Variants in PCLO observed in about 807,000 individuals in gnomAD.
PCLO encodes piccolo presynaptic cytomatrix protein, also known as protein piccolo.
In PCLO, 82 loss-of-function variants were observed where a neutral mutation model predicts 427.5. The ratio of observed to expected loss-of-function variants is 0.19; its 90% CI spans 0.16 to 0.23. The LOEUF is 0.23. Ranked by LOEUF, PCLO falls within the 10% of genes least tolerant of loss-of-function variation. The pLI is 1.00. For synonymous variants in PCLO, 2,357 were observed against 2,155.4 expected (o/e 1.09, Z -2.59); for missense variants, 6,239 against 6,115.9 (o/e 1.02, Z -0.67).
intron 2 of PCLO, among the ~76,000 whole-genome samples, chr7:83,151,891 C>T (rs569791331): frequency 2.8e-4 from 42 of 151,956 alleles, no homozygotes; most frequent in Middle Eastern, 3.4e-3. Context: ...AGAGAAGAAA[C>T]ACAAAATTAT....
chr7:83,063,670 T>C (rs1276186580), intron 3 of PCLO, among the ~76,000 whole-genome samples: 2 of 152,110 alleles, frequency 1.3e-5, no homozygotes, highest in Non-Finnish European at 2.9e-5. Flanking sequence ...TCATGATGTA[T>C]TTATCAGGAT....
intron 2 of PCLO, among the ~76,000 whole-genome samples, chr7:83,154,357 T>A (rs1323574514): frequency 6.6e-6 from 1 of 152,170 alleles, no homozygotes; most frequent in African/African-American, 2.4e-5. Flanking sequence ...CATTGTCCAC[T>A]TTTTTTCTAA....
At chr7:82,972,169 G>T (rs1795921921) in intron 3 of PCLO, among the ~76,000 whole-genome samples, 1 of 151,858 alleles carries the variant, frequency 6.6e-6, no homozygotes, top group African/African-American at 2.4e-5. Context: ...TTGTCAGCTA[G>T]TACATGTTAA....
intron 20 of PCLO, among the ~76,000 whole-genome samples, chr7:82,806,406 C>A (rs1253263963): frequency 6.6e-6 from 1 of 152,108 alleles, no homozygotes; most frequent in African/African-American, 2.4e-5. Flanking sequence ...TGTTTCTTTT[C>A]AGGCATTTCC....
At chr7:82,895,936 A>C (rs1350856281) in intron 9 of PCLO, among the ~76,000 whole-genome samples, 1 of 151,916 alleles carries the variant, frequency 6.6e-6, no homozygotes, top group Non-Finnish European at 1.5e-5. Flanking sequence ...TACAGCCAGG[A>C]ACACTTCCCA....
chr7:83,113,613 T>A (rs998666607), intron 3 of PCLO, among the ~76,000 whole-genome samples: 1 of 152,166 alleles, frequency 6.6e-6, no homozygotes, highest in African/African-American at 2.4e-5. Context: ...TAATAACATA[T>A]AGGATTAATT....
intron 1 of PCLO, among the ~76,000 whole-genome samples, chr7:83,159,109 T>G (rs992047126): frequency 2.6e-5 from 4 of 152,124 alleles, no homozygotes; most frequent in Non-Finnish European, 5.9e-5. Flanking sequence ...CATTAATATT[T>G]GATGAATTAA....
intron 10 of PCLO, among the ~76,000 whole-genome samples, chr7:82,861,887 A>C (rs1792966249): frequency 6.6e-6 from 1 of 152,068 alleles, no homozygotes; most frequent in Non-Finnish European, 1.5e-5. Flanking sequence ...TGGATCAATA[A>C]AGAAATTTAG....
At chr7:82,855,858 G>A (rs1445236661) in intron 10 of PCLO, among the ~76,000 whole-genome samples, 6 of 151,550 alleles carry the variant, frequency 4.0e-5, no homozygotes, top group Non-Finnish European at 5.9e-5. Flanking sequence ...GGTGGTTGGA[G>A]GTTCCAAAGG....
chr7:83,029,350 A>G (rs1294700931), intron 3 of PCLO, among the ~76,000 whole-genome samples: 1 of 151,894 alleles, frequency 6.6e-6, no homozygotes. Flanking sequence ...GCAAAAAAAC[A>G]CATGAAAAAA....
intron 3 of PCLO, among the ~76,000 whole-genome samples, chr7:83,046,314 T>G (rs1219959047): frequency 6.6e-6 from 1 of 152,098 alleles, no homozygotes; most frequent in Non-Finnish European, 1.5e-5. Flanking sequence ...TTTTCCTTAA[T>G]ATTTCACCAT....
At chr7:82,960,104 A>G (rs946426115) in intron 4 of PCLO, among the ~76,000 whole-genome samples, 2 of 152,334 alleles carry the variant, frequency 1.3e-5, no homozygotes, top group Non-Finnish European at 1.5e-5. Context: ...TAAAGAACTG[A>G]ATTCTAGATG....
At chr7:82,760,858 C>T in intron 23 of PCLO, 74 bp from the exon 24 acceptor site, 1 of 671,216 alleles carries the variant, frequency 1.5e-6, no homozygotes, top group South Asian at 3.0e-5. Context: ...TAACTGTATA[C>T]TGAGAGTTCT....
At chr7:83,065,057 A>C (rs1057342972) in intron 3 of PCLO, among the ~76,000 whole-genome samples, 3 of 8,556 alleles carry the variant, frequency 3.5e-4, no homozygotes, top group Non-Finnish European at 4.8e-4. Flanking sequence ...CTTGGGTTCC[A>C]AAAAAAAAAA....
intron 22 of PCLO, among the ~76,000 whole-genome samples, chr7:82,788,827 AT>A (rs1791039513): frequency 6.6e-6 from 1 of 151,640 alleles, no homozygotes; most frequent in African/African-American, 2.4e-5. Context: ...TCTCCATGTT[AT>A]CATGTTTGCC....
At chr7:82,866,327 G>A (rs1220883732) in intron 10 of PCLO, among the ~76,000 whole-genome samples, 1 of 151,584 alleles carries the variant, frequency 6.6e-6, no homozygotes, top group Non-Finnish European at 1.5e-5. Context: ...TCTAATATAT[G>A]ATACTTAATA....
chr7:82,821,542 G>T (rs1175586188), intron 20 of PCLO: 1 of 978,782 alleles, frequency 1.0e-6, no homozygotes, highest in Non-Finnish European at 1.2e-6. Context: ...CCTTTTAGAA[G>T]TAACAGGGTA....
At chr7:83,074,107 A>C (rs1789888549) in intron 3 of PCLO, among the ~76,000 whole-genome samples, 1 of 152,010 alleles carries the variant, frequency 6.6e-6, no homozygotes, top group Non-Finnish European at 1.5e-5. Context: ...AGGAAACCAT[A>C]AGGAATTTCA....
At chr7:83,161,136 G>C (rs917505862) in intron 1 of PCLO, among the ~76,000 whole-genome samples, 1 of 152,240 alleles carries the variant, frequency 6.6e-6, no homozygotes, top group Middle Eastern at 3.4e-3. Context: ...AAGCATTTAA[G>C]ATTTTATGTG....
Sources: allele counts gnomAD v4.1 joint callset (sites outside exome capture counted in the v4.1 genomes callset), GRCh38; gene constraint gnomAD v4.1.1; transcripts MANE v1.5; gene names NCBI Gene and HGNC (gene_info 2026-07-23, HGNC 2026-07-21).